The following FAM124B variants were observed in gnomAD, a reference collection of about 807,000 sequenced individuals.
FAM124B encodes family with sequence similarity 124 member B.
FAM124B carries 18 observed loss-of-function variants against 19.7 expected under a neutral mutation model. The observed-to-expected ratio is 0.92, with a 90% CI of 0.63 to 1.36. The LOEUF (loss-of-function observed/expected upper bound fraction) is 1.36, where lower values mean the gene tolerates loss of function less well. Among genes scored for constraint, FAM124B ranks in the 40% most tolerant of loss-of-function variants. The probability of loss-of-function intolerance (pLI) is 0.00; values close to 1 mark genes in which losing one functional copy is unlikely to be tolerated. For missense variants in FAM124B, 540 were observed against 553.3 expected, an observed-to-expected ratio of 0.98 and a Z score of 0.24; for synonymous variants, 223 against 225.2, an observed-to-expected ratio of 0.99 and a Z score of 0.09.
Position 224,401,811 on chromosome 2 carries a change from G to C in FAM124B, c.-43C>G. ...CTGACAAAGACAGCGTGTGTAGAAG[G>C]CCCACTGTTCAAGTTTCTGAAATGA... On this transcript the variant is annotated 5_prime_UTR_variant, in exon 1 of 2. Coordinates refer to ENST00000409685, the MANE Select transcript of FAM124B (RefSeq NM_001122779.2). The C allele has an allele frequency of 1.9e-6, 3 of 1,571,862 alleles. No homozygotes were observed. Among genetic ancestry groups the C allele is most frequent in the Middle Eastern group, 2.3e-4 (1 of 4,320 alleles).
Position 224,389,519 on chromosome 2 carries a change from G to C in FAM124B, c.733-9311C>G, listed in dbSNP as rs560355640. 5.3e-5 allele frequency among the ~76,000 whole-genome samples: 8 copies of C among 152,260 alleles called. No individual in the cohort carries two copies. In the East Asian group the frequency reaches 1.2e-3, roughly 22 times the overall value. On this transcript the variant is annotated intron_variant, in intron 1 of 1. Coordinates refer to ENST00000409685, the MANE Select transcript of FAM124B (RefSeq NM_001122779.2). ...CCCAAGGAAAATTAGAACAGCTGGG[G>C]ACTGATTGGATGTGGGGGTTCTGAG...
intron 1 of FAM124B, among the ~76,000 whole-genome samples, chr2:224,384,505 C>G (rs1453540641): frequency 6.6e-6 from 1 of 152,226 alleles, no homozygotes; most frequent in African/African-American, 2.4e-5. Flanking sequence ...CAGGATGCCA[C>G]AGAAACACAT....
At chr2:224,384,952 C>A (rs1316153350) in intron 1 of FAM124B, among the ~76,000 whole-genome samples, 3 of 152,116 alleles carry the variant, frequency 2.0e-5, no homozygotes, top group African/African-American at 7.2e-5. Context: ...TTTCCAACAG[C>A]AATTAAACTT....
chr2:224,381,792 A>G (rs776475963), intron 1 of FAM124B, among the ~76,000 whole-genome samples: 2 of 152,216 alleles, frequency 1.3e-5, no homozygotes, highest in Non-Finnish European at 2.9e-5. Context: ...AAGGTTGTAT[A>G]TGGGAACTCT....
At position 224,387,271 on chromosome 2, in the gene FAM124B, G is replaced by A. The variant is rs184134670; in HGVS notation, c.733-7063C>T. 9.8e-5 allele frequency among the ~76,000 whole-genome samples: 15 copies of A among 152,310 alleles called. No individual in the cohort carries two copies. In the East Asian group the frequency reaches 1.9e-3, roughly 20 times the overall value. On this transcript the variant is annotated intron_variant, in intron 1 of 1. Coordinates refer to ENST00000409685, the MANE Select transcript of FAM124B (RefSeq NM_001122779.2). ...CAAGTTCAAGGAACATCAGCATTACGTGATTAACAGGAAGATGGTCACTCA... is the reference window on the plus strand; with the variant it reads ...CAAGTTCAAGGAACATCAGCATTACATGATTAACAGGAAGATGGTCACTCA...
In FAM124B at chr2:224,401,601, C is replaced by A. The variant is rs746128007; in HGVS notation, c.168G>T (p.Lys56Asn). The change falls in exon 1 of 2, where the codon AAG becomes AAT. Residue 56 changes from lysine to asparagine, a missense_variant. Transcript: ENST00000409685. ...ERASPVKYCEKSHSKRSRFPG... is the reference protein window; with the variant it reads ...ERASPVKYCENSHSKRSRFPG... ...GAAACCGGGACCGCTTGGAATGGGA[C>A]TTTTCACAGTATTTCACAGGACTGG... The A allele has an allele frequency of 1.2e-6, 2 of 1,614,126 alleles. No homozygotes were observed. Among genetic ancestry groups the A allele is most frequent in the South Asian group, 2.2e-5 (2 of 91,076 alleles).
Position 224,401,909 on chromosome 2 carries a change from T to A in FAM124B, c.-141A>T. ...AGCGGCTACTTCTGAGCAGAGCTCT[T>A]AACCAGACTAACACGTGCTCCTGGC... On this transcript the variant is annotated 5_prime_UTR_variant, in exon 1 of 2. Coordinates refer to ENST00000409685, the MANE Select transcript of FAM124B (RefSeq NM_001122779.2). 2 of 967,622 alleles carry A rather than the reference T, an allele frequency of 2.1e-6. No individual in the cohort carries two copies. Among genetic ancestry groups the A allele is most frequent in the Non-Finnish European group, 3.0e-6 (2 of 663,360 alleles). 59.9% of individuals were successfully genotyped at this position (967,622 alleles called of 1,614,324 possible).
At chr2:224,385,562 C>G (rs1188896040) in intron 1 of FAM124B, among the ~76,000 whole-genome samples, 1 of 152,168 alleles carries the variant, frequency 6.6e-6, no homozygotes, top group Non-Finnish European at 1.5e-5. Flanking sequence ...GTAACTACAC[C>G]TCAGATCTGT....
chr2:224,389,522 T>C (rs7565362), intron 1 of FAM124B, among the ~76,000 whole-genome samples: 1 of 152,040 alleles, frequency 6.6e-6, no homozygotes, highest in Admixed American at 6.5e-5. Context: ...AGCTGGGGAC[T>C]GATTGGATGT....
rs74519948 is a variant in FAM124B at position 224,380,185 on chromosome 2, A to G, written c.756T>C (p.Gly252=). Residue 252 remains glycine, a synonymous_variant, in exon 2 of 2, where the codon GGT becomes GGC. Coordinates refer to ENST00000409685, the MANE Select transcript of FAM124B (RefSeq NM_001122779.2). ...LLQVQLNPEL[G]VKNGILGAGM... ...CAGCTCCCAAGATGCCATTCTTAAC[A>G]CCAAGTTCTGGATTCAGCTGAACCT... 5,663 of 1,548,482 alleles carry G rather than the reference A, an allele frequency of 3.7e-3. 189 individuals carry two copies. The African/African-American group carries it at 0.068, about 19-fold the overall frequency.
intron 1 of FAM124B, among the ~76,000 whole-genome samples, chr2:224,390,641 T>G (rs1689865788): frequency 6.6e-6 from 1 of 151,106 alleles, no homozygotes; most frequent in Non-Finnish European, 1.5e-5. Context: ...CGCTCAGACA[T>G]TTACCAATTA....
In FAM124B at chr2:224,392,316, C is replaced by T. The variant is rs72968586; in HGVS notation, c.732+8721G>A. Among the ~76,000 whole-genome samples the T allele has an allele frequency of 9.1e-3, 1,386 of 152,156 alleles. 10 individuals carry two copies. The highest frequency in any genetic ancestry group is 0.015 in the Non-Finnish European group (1,021 of 67,996). On this transcript the variant is annotated intron_variant, in intron 1 of 1. Transcript: ENST00000409685. Reference sequence around the variant, plus strand: ...AAACTTATCCAGGCATGGTAATGCACGCCTAGAGTTTCAGCTACTCAGGAG... The same window carrying T: ...AAACTTATCCAGGCATGGTAATGCATGCCTAGAGTTTCAGCTACTCAGGAG...
intron 1 of FAM124B, among the ~76,000 whole-genome samples, chr2:224,386,641 A>G (rs2106080038): frequency 6.6e-6 from 1 of 152,300 alleles, no homozygotes; most frequent in East Asian, 1.9e-4. Flanking sequence ...GCCATTTTGT[A>G]CTTGGCTATT....
chr2:224,400,343 A>AGAAAT, intron 1 of FAM124B: 1 of 625,914 alleles, frequency 1.6e-6, no homozygotes, highest in Non-Finnish European at 2.9e-6. Context: ...CCCCGTCTCT[A>AGAAAT]GAAATAAAAT....
intron 1 of FAM124B, among the ~76,000 whole-genome samples, chr2:224,392,996 G>T (rs1040520907): frequency 6.6e-6 from 1 of 152,174 alleles, no homozygotes; most frequent in Non-Finnish European, 1.5e-5. Context: ...CACATGTGGC[G>T]AATGGCCACC....
chr2:224,383,966 G>A (rs867217992), intron 1 of FAM124B, among the ~76,000 whole-genome samples: 36 of 152,214 alleles, frequency 2.4e-4, no homozygotes, highest in Non-Finnish European at 4.4e-5. Context: ...TGACTCTGGG[G>A]CTTGTATTTC....
intron 1 of FAM124B, among the ~76,000 whole-genome samples, chr2:224,386,104 C>T (rs561587074): frequency 1.4e-4 from 22 of 152,314 alleles, no homozygotes; most frequent in Non-Finnish European, 2.9e-4. Context: ...TGATGCCCTA[C>T]TCTTCTTAAG....
rs753528815 is a variant in FAM124B at position 224,401,657 on chromosome 2, C to G, written c.112G>C (p.Glu38Gln). The G allele has an allele frequency of 6.2e-7, 1 of 1,614,214 alleles. No homozygotes were observed. Among genetic ancestry groups the G allele is most frequent in the Non-Finnish European group, 8.5e-7 (1 of 1,180,050 alleles). ...TCAGACACCTGAAAGAGCCGGACCT[C>G]TGGGCAAATGCAATCCAGGAGCTGG... Reference protein sequence around the residue: ...LDQLLDCICPEVRLFQVSERA... With the variant: ...LDQLLDCICPQVRLFQVSERA... Residue 38 changes from glutamate to glutamine, a missense_variant, in exon 1 of 2, where the codon GAG becomes CAG. Physicochemically the swap from Glu to Gln is conservative, Grantham distance 29. Coordinates refer to ENST00000409685, the MANE Select transcript of FAM124B (RefSeq NM_001122779.2).
intron 1 of FAM124B, among the ~76,000 whole-genome samples, chr2:224,380,574 A>G (rs1262805006): frequency 1.3e-5 from 2 of 152,238 alleles, no homozygotes; most frequent in Non-Finnish European, 2.9e-5. Context: ...ATTAGCAACC[A>G]TGTAAAAAAA....
Sources: gnomAD v4.1 joint callset for allele counts (sites outside exome capture counted in the v4.1 genomes callset) on GRCh38, gnomAD v4.1.1 for gene constraint, MANE v1.5 for transcripts, NCBI Gene and HGNC (gene_info 2026-07-23, HGNC 2026-07-21) for gene names.